The following DENND1B variants were observed in gnomAD, a reference collection of about 807,000 sequenced individuals.
The protein encoded by DENND1B is DENN domain-containing protein 1B.
In DENND1B, 59 loss-of-function variants were observed where a neutral mutation model predicts 90.1. That is an observed-to-expected ratio of 0.65 (90% CI 0.53 to 0.81). The LOEUF (loss-of-function observed/expected upper bound fraction) is 0.81, where lower values mean the gene tolerates loss of function less well. DENND1B is among the 40% of genes least tolerant of loss of function. DENND1B has a pLI of 0.00. For synonymous variants in DENND1B, 337 were observed against 324.6 expected (o/e 1.04, Z -0.41); for missense variants, 862 against 912.6 (o/e 0.94, Z 0.71).
chr1:197,545,806 T>TA, intron 18 of DENND1B, 116 bp downstream of exon 18: 2 of 878,060 alleles, frequency 2.3e-6, no homozygotes, highest in Non-Finnish European at 3.4e-6. Flanking sequence ...AATCCTAATT[T>TA]TTTTTTAGGT....
chr1:197,772,644 G>C (rs1010796951), intron 2 of DENND1B, among the ~76,000 whole-genome samples: 1 of 152,122 alleles, frequency 6.6e-6, no homozygotes, highest in Non-Finnish European at 1.5e-5. Context: ...GCAACGTGGT[G>C]AACCCTGTCT....
chr1:197,552,942 AG>A, intron 16 of DENND1B, 79 bp downstream of exon 16: 1 of 1,534,564 alleles, frequency 6.5e-7, no homozygotes, highest in South Asian at 1.3e-5. Context: ...TTTATGAAAT[AG>A]GTTTTATCAG....
intron 2 of DENND1B, among the ~76,000 whole-genome samples, chr1:197,770,753 A>AATATATAAATATATATCTATAAAT (rs1656422809): frequency 7.1e-6 from 1 of 141,142 alleles, no homozygotes; most frequent in African/African-American, 2.6e-5. Flanking sequence ...TATATCTATA[A>AATATATAAATATATATCTATAAAT]ATATATATAA....
At chr1:197,687,777 C>T (rs1221050136) in intron 3 of DENND1B, among the ~76,000 whole-genome samples, 3 of 151,972 alleles carry the variant, frequency 2.0e-5, no homozygotes, top group Non-Finnish European at 1.5e-5. Flanking sequence ...CCTATTCTTA[C>T]CACCTCTATT....
At chr1:197,775,738 C>G (rs1657230178), upstream of DENND1B, 1 of 152,394 alleles carries the variant, frequency 6.6e-6, no homozygotes, top group Admixed American at 6.5e-5. Flanking sequence ...TGGGTCCAGT[C>G]CAGATTCCAG....
At position 197,547,678 on chromosome 1, in the gene DENND1B, T is replaced by C. The variant is rs760943616; in HGVS notation, c.1241-905A>G. On this transcript the variant is annotated intron_variant, in intron 16 of 22. Transcript: ENST00000620048. ...AAAATGTAACTACCTAAAATAACCT[T>C]TGTAAAAATAAGTTGCCCTGTTTAA... Among the ~76,000 whole-genome samples, 3 of 152,196 alleles carry C rather than the reference T, an allele frequency of 2.0e-5. 1 individual carries two copies. The highest frequency in any genetic ancestry group is 6.5e-5 in the Admixed American group (1 of 15,274).
chr1:197,744,461 A>G lies in DENND1B; in HGVS notation c.82+28407T>C, dbSNP rs1201969214. 3.9e-5 allele frequency among the ~76,000 whole-genome samples: 6 copies of G among 152,204 alleles called. No individual in the cohort carries two copies. In the East Asian group the frequency reaches 1.2e-3, roughly 29 times the overall value. On this transcript the variant is annotated intron_variant, in intron 2 of 22. Coordinates refer to ENST00000620048, the MANE Select transcript of DENND1B (RefSeq NM_001195215.2). ...ATATCTCCATCAGAGCTCTTGGTAA[A>G]CAGGTACATTGTCAATGAGCAACAA...
intron 3 of DENND1B, among the ~76,000 whole-genome samples, chr1:197,688,514 C>T (rs887808673): frequency 6.6e-6 from 1 of 152,042 alleles, no homozygotes; most frequent in Non-Finnish European, 1.5e-5. Flanking sequence ...GAAATAAACC[C>T]ATGCAAATAT....
chr1:197,569,077 T>A (rs1287363731), intron 15 of DENND1B, among the ~76,000 whole-genome samples: 1 of 151,792 alleles, frequency 6.6e-6, no homozygotes, highest in Non-Finnish European at 1.5e-5. Context: ...CTCAAACAAA[T>A]TAATAAGAAA....
At chr1:197,700,184 A>C (rs1658881605) in intron 3 of DENND1B, among the ~76,000 whole-genome samples, 1 of 152,160 alleles carries the variant, frequency 6.6e-6, no homozygotes, top group Non-Finnish European at 1.5e-5. Context: ...AAAAAGAACA[A>C]AGTTGGAGGC....
chr1:197,540,630 T>C (rs1420146635), intron 19 of DENND1B, among the ~76,000 whole-genome samples: 1 of 152,160 alleles, frequency 6.6e-6, no homozygotes, highest in Non-Finnish European at 1.5e-5. Flanking sequence ...ACACAAAAGA[T>C]ATCTTTTAAA....
intron 5 of DENND1B, 55 bp from the exon 6 acceptor site, chr1:197,658,424 G>T: frequency 8.3e-7 from 1 of 1,199,840 alleles, no homozygotes; most frequent in Non-Finnish European, 1.2e-6. Context: ...TCAGAAAACA[G>T]ACAATATAAA....
At chr1:197,522,760 A>C (rs1192258126) in intron 20 of DENND1B, among the ~76,000 whole-genome samples, 1 of 152,140 alleles carries the variant, frequency 6.6e-6, no homozygotes, top group Non-Finnish European at 1.5e-5. Context: ...AAGTCAACCA[A>C]GTAAACTGAA....
intron 13 of DENND1B, among the ~76,000 whole-genome samples, chr1:197,602,687 T>A (rs1046201013): frequency 2.0e-5 from 3 of 151,414 alleles, no homozygotes; most frequent in African/African-American, 7.3e-5. Context: ...ATTGACAATC[T>A]GTGTGGTTCT....
intron 2 of DENND1B, among the ~76,000 whole-genome samples, chr1:197,764,366 T>C (rs1243254068): frequency 6.6e-6 from 1 of 152,214 alleles, no homozygotes; most frequent in African/African-American, 2.4e-5. Flanking sequence ...TTACTATTTA[T>C]GTAGAACATC....
intron 2 of DENND1B, among the ~76,000 whole-genome samples, chr1:197,763,100 C>G (rs1206819422): frequency 6.6e-6 from 1 of 152,112 alleles, no homozygotes. Context: ...TACTTGAGGT[C>G]AGGAGCTCAA....
At chr1:197,662,088 T>A (rs1572233392) in intron 5 of DENND1B, among the ~76,000 whole-genome samples, 1 of 152,096 alleles carries the variant, frequency 6.6e-6, no homozygotes, top group African/African-American at 2.4e-5. Context: ...TATGACTTCA[T>A]CTATAAATCA....
intron 20 of DENND1B, among the ~76,000 whole-genome samples, chr1:197,522,513 T>C (rs1426280362): frequency 2.6e-5 from 4 of 152,248 alleles, no homozygotes; most frequent in African/African-American, 7.2e-5. Context: ...TCAACTGTCA[T>C]CTGATATATT....
chr1:197,604,511 CTG>C (rs1186287415), intron 13 of DENND1B, among the ~76,000 whole-genome samples: 11 of 151,166 alleles, frequency 7.3e-5, no homozygotes, highest in Non-Finnish European at 8.9e-5. Flanking sequence ...TTCAGGACAA[CTG>C]TGACCACTGA....
Sources: gnomAD v4.1 joint callset for allele counts (sites outside exome capture counted in the v4.1 genomes callset) on GRCh38, gnomAD v4.1.1 for gene constraint, MANE v1.5 for transcripts, NCBI Gene and HGNC (gene_info 2026-07-23, HGNC 2026-07-21) for gene names.